CSMD1: variants seen among roughly 807,000 people sequenced by gnomAD.
CSMD1 encodes the protein CUB and Sushi multiple domains 1.
CSMD1 carries 213 observed loss-of-function variants against 417.5 expected under a neutral mutation model. The observed-to-expected ratio is 0.51, with a 90% CI of 0.46 to 0.57. The LOEUF is 0.57. CSMD1 is among the 20% of genes least tolerant of loss of function. The probability of loss-of-function intolerance (pLI) is 0.00; values close to 1 mark genes in which losing one functional copy is unlikely to be tolerated. For synonymous variants in CSMD1, 2,862 were observed against 1,736.8 expected (o/e 1.65, Z -16.11); for missense variants, 6,923 against 4,529.7 (o/e 1.53, Z -15.17).
intron 26 of CSMD1, among the ~76,000 whole-genome samples, chr8:3,277,037 A>G (rs1426314764): frequency 6.6e-6 from 1 of 152,108 alleles, no homozygotes; most frequent in East Asian, 1.9e-4. Context: ...TGAGATAGGC[A>G]CACTGGAATT....
At chr8:3,396,774 C>T (rs1221347278) in intron 16 of CSMD1, among the ~76,000 whole-genome samples, 2 of 152,006 alleles carry the variant, frequency 1.3e-5, no homozygotes, top group South Asian at 2.1e-4. Flanking sequence ...TTACCATTCC[C>T]TATTTAACAT....
intron 3 of CSMD1, among the ~76,000 whole-genome samples, chr8:4,216,519 C>A (rs114739567): frequency 6.6e-6 from 1 of 152,174 alleles, no homozygotes; most frequent in Non-Finnish European, 1.5e-5. Context: ...AGTACCCCCA[C>A]GGGACTAAGA....
At chr8:4,866,804 A>G (rs924642041) in intron 1 of CSMD1, among the ~76,000 whole-genome samples, 1 of 152,056 alleles carries the variant, frequency 6.6e-6, no homozygotes, top group African/African-American at 2.4e-5. Context: ...AAATATTCCA[A>G]TGATACAGGA....
chr8:3,436,484 G>C (rs930978624), intron 12 of CSMD1, among the ~76,000 whole-genome samples: 2 of 152,146 alleles, frequency 1.3e-5, no homozygotes, highest in South Asian at 4.1e-4. Flanking sequence ...AATATTCAGT[G>C]AATATGCATA....
At chr8:3,095,629 C>G (rs1222986829) in intron 47 of CSMD1, among the ~76,000 whole-genome samples, 1 of 152,170 alleles carries the variant, frequency 6.6e-6, no homozygotes, top group African/African-American at 2.4e-5. Flanking sequence ...AATACAAACA[C>G]ACATCAAATC....
At chr8:3,977,351 T>G (rs148170595) in intron 5 of CSMD1, among the ~76,000 whole-genome samples, 136 of 152,300 alleles carry the variant, frequency 8.9e-4, no homozygotes, top group African/African-American at 2.6e-3. Flanking sequence ...CAAAGCAATG[T>G]CAAGTAGAAG....
At chr8:3,580,545 G>C (rs906203453) in intron 9 of CSMD1, among the ~76,000 whole-genome samples, 1 of 152,086 alleles carries the variant, frequency 6.6e-6, no homozygotes, top group East Asian at 1.9e-4. Flanking sequence ...AGTAGTATAA[G>C]ATACAAAACT....
chr8:4,031,369 A>C (rs1369169241), intron 4 of CSMD1, among the ~76,000 whole-genome samples: 2 of 152,242 alleles, frequency 1.3e-5, no homozygotes, highest in African/African-American at 4.8e-5. Flanking sequence ...CACGTCTTAC[A>C]TGCATGGCAG....
chr8:3,754,693 G>C (rs550459860), intron 5 of CSMD1, among the ~76,000 whole-genome samples: 1 of 152,204 alleles, frequency 6.6e-6, no homozygotes, highest in Non-Finnish European at 1.5e-5. Context: ...GACCTCAGGT[G>C]ATCTGCCTGC....
At chr8:4,759,491 C>T (rs1283825040) in intron 1 of CSMD1, among the ~76,000 whole-genome samples, 3 of 152,178 alleles carry the variant, frequency 2.0e-5, no homozygotes, top group Non-Finnish European at 4.4e-5. Flanking sequence ...TGGTTTGCTG[C>T]ACCTATCAAC....
chr8:4,232,910 T>C (rs1801829562), intron 3 of CSMD1, among the ~76,000 whole-genome samples: 1 of 152,168 alleles, frequency 6.6e-6, no homozygotes, highest in Non-Finnish European at 1.5e-5. Context: ...ATATTGAAAT[T>C]CACAAGAATT....
chr8:4,544,787 T>C (rs902876082), intron 2 of CSMD1, among the ~76,000 whole-genome samples: 1 of 152,208 alleles, frequency 6.6e-6, no homozygotes, highest in Non-Finnish European at 1.5e-5. Context: ...TGTTCACTTA[T>C]AGACCAAAAA....
intron 5 of CSMD1, among the ~76,000 whole-genome samples, chr8:3,938,310 A>C (rs1239023522): frequency 6.6e-6 from 1 of 152,166 alleles, no homozygotes; most frequent in Non-Finnish European, 1.5e-5. Context: ...TTCCTTAAAT[A>C]ATTTGTGTTT....
intron 3 of CSMD1, among the ~76,000 whole-genome samples, chr8:4,124,466 T>C (rs908480812): frequency 2.6e-5 from 4 of 152,188 alleles, no homozygotes; most frequent in African/African-American, 7.2e-5. Context: ...ATGGCCACTG[T>C]GGACTTCTCT....
intron 3 of CSMD1, among the ~76,000 whole-genome samples, chr8:4,044,688 T>A (rs777165536): frequency 1.9e-5 from 1 of 53,620 alleles, no homozygotes; most frequent in Admixed American, 1.6e-4. Context: ...CCACCTACAA[T>A]CCTGGCTGCG....
chr8:4,406,537 T>G (rs560299469), intron 3 of CSMD1, among the ~76,000 whole-genome samples: 2 of 152,256 alleles, frequency 1.3e-5, no homozygotes, highest in Non-Finnish European at 2.9e-5. Flanking sequence ...TCTAAGAAGT[T>G]TGAGGAGCAC....
At chr8:3,621,751 T>G (rs1796251473) in intron 7 of CSMD1, among the ~76,000 whole-genome samples, 1 of 150,948 alleles carries the variant, frequency 6.6e-6, no homozygotes, top group African/African-American at 2.4e-5. Flanking sequence ...AGCTAATGTT[T>G]TATTATTATT....
chr8:4,834,742 A>C (rs1242554054), intron 1 of CSMD1, among the ~76,000 whole-genome samples: 1 of 151,752 alleles, frequency 6.6e-6, no homozygotes, highest in African/African-American at 2.4e-5. Flanking sequence ...GGATCACGAC[A>C]TCAGGAGATC....
chr8:3,287,616 C>G (rs555313559), intron 25 of CSMD1, among the ~76,000 whole-genome samples: 111 of 152,108 alleles, frequency 7.3e-4, no homozygotes, highest in Middle Eastern at 3.4e-3. Flanking sequence ...CTGTTATTGG[C>G]ATATGAGAAT....
Sources: gnomAD v4.1 joint callset for allele counts (sites outside exome capture counted in the v4.1 genomes callset) on GRCh38, gnomAD v4.1.1 for gene constraint, MANE v1.5 for transcripts, NCBI Gene and HGNC (gene_info 2026-07-23, HGNC 2026-07-21) for gene names.